CYP3A4: variants seen among roughly 807,000 people sequenced by gnomAD.
CYP3A4 encodes the protein cytochrome P450 family 3 subfamily A member 4.
Under a neutral mutation model 54.9 loss-of-function variants are expected in CYP3A4, and 41 were observed. The ratio of observed to expected loss-of-function variants is 0.75; its 90% CI spans 0.58 to 0.97. The LOEUF is 0.97. CYP3A4 is among the 50% of genes least tolerant of loss of function. CYP3A4 has a pLI of 0.00. For synonymous variants in CYP3A4, 179 were observed against 205.2 expected, an observed-to-expected ratio of 0.87 and a Z score of 1.09; for missense variants, 510 against 597.3, an observed-to-expected ratio of 0.85 and a Z score of 1.52.
chr7:99,762,394 T>G, intron 10 of CYP3A4, 127 bp from the exon 11 acceptor site: 14 of 1,286,682 alleles, frequency 1.1e-5, no homozygotes, highest in Non-Finnish European at 1.5e-5. Context: ...ATCGAAGCAT[T>G]TATAAAGTGT....
intron 6 of CYP3A4, among the ~76,000 whole-genome samples, chr7:99,769,253 T>C (rs13312497): frequency 3.9e-5 from 6 of 152,156 alleles, no homozygotes; most frequent in African/African-American, 1.2e-4. Context: ...CTACCTATAG[T>C]GTTTTTACCA....
chr7:99,776,978 T>C (rs1341733465), intron 3 of CYP3A4, among the ~76,000 whole-genome samples: 1 of 152,190 alleles, frequency 6.6e-6, no homozygotes, highest in African/African-American at 2.4e-5. Context: ...TATTAAAAAG[T>C]CTTGGCTTAA....
intron 3 of CYP3A4, among the ~76,000 whole-genome samples, chr7:99,775,419 T>C (rs1815740724): frequency 1.3e-5 from 2 of 152,132 alleles, no homozygotes; most frequent in Non-Finnish European, 1.5e-5. Flanking sequence ...ACTGGAGGCA[T>C]CACGCTACCT....
At chr7:99,772,730 T>C (rs1815666593) in intron 3 of CYP3A4, 41 bp from the exon 4 acceptor site, 7 of 1,607,138 alleles carry the variant, frequency 4.4e-6, no homozygotes, top group Non-Finnish European at 6.0e-6. Context: ...TCAACAGCCT[T>C]ATTCTACAGC....
intron 11 of CYP3A4, 39 bp from the exon 12 acceptor site, chr7:99,761,020 A>G (rs1341782756): frequency 1.2e-6 from 2 of 1,606,804 alleles, no homozygotes; most frequent in Non-Finnish European, 8.5e-7. Context: ...AGTTAATGAC[A>G]TAATACCCCT....
chr7:99,778,499 T>G (rs1203901105), intron 2 of CYP3A4, among the ~76,000 whole-genome samples: 1 of 152,186 alleles, frequency 6.6e-6, no homozygotes, highest in Non-Finnish European at 1.5e-5. Context: ...TGTCATCCTT[T>G]TCATTTATTT....
rs1334136261 is a variant in CYP3A4, at chr7:99,766,386, A to G, written c.856T>C (p.Ser286Pro). 1 of 1,613,668 alleles carries G rather than the reference A, an allele frequency of 6.2e-7. No individual in the cohort carries two copies. Among genetic ancestry groups the G allele is most frequent in the African/African-American group, 1.3e-5 (1 of 74,982 alleles). ...GAAACACTCTGGTTACCTTTGTGGGACTCAGTTTCTTTTGAATTCTGAGAG... is the reference window on the plus strand; with the variant it reads ...GAAACACTCTGGTTACCTTTGTGGGGCTCAGTTTCTTTTGAATTCTGAGAG... ...IDSQNSKETESHKALSDLELV... is the reference protein window; with the variant it reads ...IDSQNSKETEPHKALSDLELV... Residue 286 changes from serine to proline, a missense_variant, in exon 9 of 13, where the codon TCC (serine) becomes CCC (proline). Ser to Pro is a moderately conservative substitution (Grantham distance 74). This residue lies in a region of CYP3A4 where 238 missense variants were observed against 322.5 expected (regional missense o/e 0.74). Coordinates refer to ENST00000651514, the MANE Select transcript of CYP3A4 (RefSeq NM_017460.6).
chr7:99,771,105 G>A (rs752746111), intron 4 of CYP3A4, among the ~76,000 whole-genome samples: 1 of 151,998 alleles, frequency 6.6e-6, no homozygotes, highest in East Asian at 1.9e-4. Flanking sequence ...ACATTATACT[G>A]GGAAGTCCTA....
chr7:99,776,998 C>T (rs1199571912), intron 3 of CYP3A4, among the ~76,000 whole-genome samples: 1 of 151,990 alleles, frequency 6.6e-6, no homozygotes, highest in Non-Finnish European at 1.5e-5. Flanking sequence ...AATTTAATAA[C>T]AAAACAGAAT....
intron 3 of CYP3A4, among the ~76,000 whole-genome samples, chr7:99,774,773 A>C (rs1316258712): frequency 6.6e-6 from 1 of 152,194 alleles, no homozygotes. Flanking sequence ...TCCCTTTGAA[A>C]ACCGGCACAA....
intron 1 of CYP3A4, among the ~76,000 whole-genome samples, chr7:99,783,695 G>A (rs1253050743): frequency 2.3e-5 from 3 of 131,222 alleles, no homozygotes; most frequent in African/African-American, 8.3e-5. Context: ...TGCAACCTCC[G>A]CCTGCCGGGT....
chr7:99,781,162 G>GCTT (rs1312169547), intron 1 of CYP3A4, among the ~76,000 whole-genome samples: 1 of 152,098 alleles, frequency 6.6e-6, no homozygotes, highest in Middle Eastern at 3.2e-3. Context: ...AGCCTCTCTT[G>GCTT]CTTCTGCTCC....
At chr7:99,765,144 A>G (rs1374123107) in intron 9 of CYP3A4, among the ~76,000 whole-genome samples, 1 of 152,198 alleles carries the variant, frequency 6.6e-6, no homozygotes, top group Admixed American at 6.5e-5. Context: ...GATGATACTG[A>G]TGTGAAATTG....
chr7:99,782,711 G>A (rs1327989290), intron 1 of CYP3A4, among the ~76,000 whole-genome samples: 1 of 152,140 alleles, frequency 6.6e-6, no homozygotes, highest in Non-Finnish European at 1.5e-5. Context: ...ATCCTACCTG[G>A]ATGCTTTTGC....
At position 99,783,694 on chromosome 7, in the gene CYP3A4, C is replaced by T. The variant is rs1327075007; in HGVS notation, c.71+317G>A. Reference sequence around the variant, plus strand: ...CATGATCTCAGCTCACTGCAACCTCCGCCTGCCGGGTTCAAGCAATTCTCC... The same window carrying T: ...CATGATCTCAGCTCACTGCAACCTCTGCCTGCCGGGTTCAAGCAATTCTCC... On this transcript the variant is annotated intron_variant, in intron 1 of 12. Coordinates refer to ENST00000651514, the MANE Select transcript of CYP3A4 (RefSeq NM_017460.6). Among the ~76,000 whole-genome samples the T allele has an allele frequency of 9.9e-5, 15 of 150,776 alleles. 1 individual carries two copies. The highest frequency in any genetic ancestry group is 3.3e-4 in the Admixed American group (5 of 15,100).
chr7:99,763,734 A>G (rs953773963), intron 10 of CYP3A4, 121 bp downstream of exon 10: 16 of 1,325,762 alleles, frequency 1.2e-5, no homozygotes, highest in African/African-American at 4.5e-5. Context: ...GCCTTCCTAC[A>G]TAGAGTCAGT....
intron 1 of CYP3A4, among the ~76,000 whole-genome samples, chr7:99,782,141 A>G (rs1301184351): frequency 1.3e-5 from 2 of 152,196 alleles, no homozygotes; most frequent in Non-Finnish European, 2.9e-5. Flanking sequence ...CAAATAAATG[A>G]CACTAATCTC....
intron 3 of CYP3A4, among the ~76,000 whole-genome samples, chr7:99,775,889 A>G (rs935478807): frequency 5.3e-5 from 8 of 152,250 alleles, no homozygotes; most frequent in African/African-American, 1.7e-4. Flanking sequence ...AGAAACTATC[A>G]TCAGAGCAAA....
At chr7:99,778,691 T>C (rs917675572) in intron 2 of CYP3A4, among the ~76,000 whole-genome samples, 1 of 152,118 alleles carries the variant, frequency 6.6e-6, no homozygotes, top group Non-Finnish European at 1.5e-5. Context: ...TCTGAGAAAA[T>C]GTCCCCTCTA....
Sources: gnomAD v4.1 joint callset for allele counts (sites outside exome capture counted in the v4.1 genomes callset) on GRCh38, gnomAD v4.1.1 for gene constraint, gnomAD v4.1.1 regional missense constraint, MANE v1.5 for transcripts, NCBI Gene and HGNC (gene_info 2026-07-23, HGNC 2026-07-21) for gene names.